BOP1: variants seen among roughly 807,000 people sequenced by gnomAD.
BOP1 encodes the protein ribosome biogenesis protein BOP1.
A neutral mutation model predicts 82.9 loss-of-function variants in BOP1; 54 were observed. The observed-to-expected ratio is 0.65, with a 90% CI of 0.52 to 0.82. BOP1 has a LOEUF of 0.82. Among genes scored for constraint, BOP1 ranks in the 40% least tolerant of loss-of-function variants. The pLI is 0.00. For missense variants in BOP1, 1,170 were observed against 1,072.0 expected (o/e 1.09, Z -1.28); for synonymous variants, 566 against 451.1 (o/e 1.25, Z -3.23).
intron 3 of BOP1, among the ~76,000 whole-genome samples, chr8:144,269,607 C>T (rs1845458971): frequency 6.6e-6 from 1 of 152,260 alleles, no homozygotes; most frequent in Non-Finnish European, 1.5e-5. Context: ...TAAAAAGTCA[C>T]AACGGCAGGT....
intron 3 of BOP1, among the ~76,000 whole-genome samples, chr8:144,270,091 G>C (rs1488732959): frequency 2.0e-5 from 3 of 152,166 alleles, no homozygotes; most frequent in Non-Finnish European, 4.4e-5. Context: ...GTCAACGTTG[G>C]GGACAAATGG....
rs1470269928 is a variant in BOP1, at chr8:144,263,729, G to A, written c.1254C>T (p.Cys418=). ...VYRGHSDLVR[C]LSVSPGGQWL... ...ACTGGCCCCCAGGAGAGACACTGAG[G>A]CACCGGACAAGGTCACTGTGGCCCC... Residue 418 remains cysteine, a synonymous_variant, in exon 10 of 16, where the codon TGC becomes TGT. Coordinates refer to ENST00000569669, the MANE Select transcript of BOP1 (RefSeq NM_015201.5). 5 of 1,576,114 alleles carry A rather than the reference G, an allele frequency of 3.2e-6. No individual in the cohort carries two copies. The highest frequency in any genetic ancestry group is 1.2e-5 in the South Asian group (1 of 86,868).
chr8:144,286,682 G>A (rs1176564487), intron 2 of BOP1, among the ~76,000 whole-genome samples: 1 of 152,176 alleles, frequency 6.6e-6, no homozygotes, highest in Non-Finnish European at 1.5e-5. Flanking sequence ...AGGGCCTCAG[G>A]CAGGGACTTG....
chr8:144,276,122 T>G, intron 3 of BOP1, 102 bp downstream of exon 3: 21 of 1,388,046 alleles, frequency 1.5e-5, no homozygotes, highest in Non-Finnish European at 1.0e-6. Flanking sequence ...CTGCGGCAGG[T>G]CCCAGCACCC....
At chr8:144,264,163 G>C in intron 7 of BOP1, 21 bp from the exon 8 acceptor site, 1 of 1,610,382 alleles carries the variant, frequency 6.2e-7, no homozygotes, top group Non-Finnish European at 8.5e-7. Flanking sequence ...CAAGACACAG[G>C]GGTGGGGAGG....
At chr8:144,280,779 G>T (rs905782881) in intron 2 of BOP1, among the ~76,000 whole-genome samples, 29 of 152,276 alleles carry the variant, frequency 1.9e-4, no homozygotes, top group African/African-American at 6.3e-4. Flanking sequence ...TTGAATCTGG[G>T]GGGTGGAGAC....
rs1554839785 is a variant in BOP1 at position 144,289,084 on chromosome 8, C to T, written c.309+11G>A. ...GGGGACAGCCCTCGAGGGGGCTCCT[C>T]GCTCACCCACCTGCACCTGCTCCTC... On this transcript the variant is annotated intron_variant, in intron 2 of 15. Transcript: ENST00000569669. 3.1e-6 allele frequency: 5 copies of T among 1,613,956 alleles called. No individual in the cohort carries two copies. The highest frequency in any genetic ancestry group is 1.7e-5 in the Admixed American group (1 of 60,022).
intron 3 of BOP1, among the ~76,000 whole-genome samples, chr8:144,267,844 G>T (rs1361556592): frequency 2.6e-5 from 4 of 152,192 alleles, no homozygotes; most frequent in Non-Finnish European, 5.9e-5. Context: ...AATACGGCAC[G>T]GCTTTTCCCA....
rs1381579101 is a variant in BOP1 at position 144,264,906 on chromosome 8, C to G, written c.545+11G>C. 32 of 1,611,066 alleles carry G rather than the reference C, an allele frequency of 2.0e-5. No homozygotes were observed. In the African/African-American group the frequency reaches 4.1e-4, roughly 21 times the overall value. On this transcript the variant is annotated intron_variant, in intron 4 of 15. Transcript: ENST00000569669. ...CACCCCGGCTGCTGGCCCCACCCCA[C>G]CAGCCCTCACCAGTAGTCAGGATCG...
Position 144,263,063 on chromosome 8 carries a change from G to A in BOP1, c.1684C>T (p.Leu562=). The stretch of plus-strand genomic sequence containing the variant: ...CGGCGACGGCTCAGCTGGTGAATCA[G>A]CACCTGGGTGTGGCCTTGGGTGGCC... The part of the protein sequence containing the change: ...VLATQGHTQV[L]IHQLSRRRSQ... The change falls in exon 13 of 16, where the codon CTG becomes TTG. Residue 562 remains leucine, a synonymous_variant. Coordinates refer to ENST00000569669, the MANE Select transcript of BOP1 (RefSeq NM_015201.5). 6.3e-7 allele frequency: 1 copy of A among 1,586,658 alleles called. No homozygotes were observed. Among genetic ancestry groups the A allele is most frequent in the East Asian group, 2.3e-5 (1 of 44,338 alleles).
In BOP1 at chr8:144,289,163, C is replaced by A; in HGVS notation, c.241G>T (p.Gly81Ter). 1 of 1,614,210 alleles carries A rather than the reference C, an allele frequency of 6.2e-7. No individual in the cohort carries two copies. The highest frequency in any genetic ancestry group is 8.5e-7 in the Non-Finnish European group (1 of 1,180,040). The change falls in exon 2 of 16, where the codon GGA becomes TGA. Residue 81 changes from glycine (G) to a stop codon, truncating the protein, a stop_gained. Transcript: ENST00000569669. LOFTEE classifies it high-confidence loss of function. ...TCGTCATCAAGGGCTCCGTCCTCTCCCTCCTCGTCGCCTTCGTCATCATCC... is the reference window on the plus strand; with the variant it reads ...TCGTCATCAAGGGCTCCGTCCTCTCACTCCTCGTCGCCTTCGTCATCATCC... ...SEDDDEGDEEGEDGALDDEGH... is the reference protein window; with the variant it reads ...SEDDDEGDEE
chr8:144,280,827 G>T (rs1313412575), intron 2 of BOP1, among the ~76,000 whole-genome samples: 6 of 152,072 alleles, frequency 3.9e-5, no homozygotes, highest in Non-Finnish European at 5.9e-5. Context: ...ACTCCAGCCC[G>T]GGTGACAGAC....
rs1205797803 is a variant in BOP1 at position 144,276,554 on chromosome 8, C to G, written c.310-250G>C. Among the ~76,000 whole-genome samples the G allele has an allele frequency of 2.0e-5, 3 of 152,300 alleles. No individual in the cohort carries two copies. In the East Asian group the frequency reaches 5.8e-4, roughly 29 times the overall value. On this transcript the variant is annotated intron_variant, in intron 2 of 15. Coordinates refer to ENST00000569669, the MANE Select transcript of BOP1 (RefSeq NM_015201.5). ...GACTGCAGCCTCCCGGGGCCTCTGT[C>G]CCTGGGCTGACACGGGTGTCAGGCT...
intron 2 of BOP1, among the ~76,000 whole-genome samples, chr8:144,277,941 C>T (rs1845596334): frequency 6.9e-6 from 1 of 144,724 alleles, no homozygotes; most frequent in Non-Finnish European, 1.5e-5. Context: ...AAAAGGCCAC[C>T]AAAACCCTAA....
intron 3 of BOP1, among the ~76,000 whole-genome samples, chr8:144,271,978 G>C (rs1008251658): frequency 6.6e-6 from 1 of 152,170 alleles, no homozygotes; most frequent in Non-Finnish European, 1.5e-5. Flanking sequence ...CTGCAGGCTG[G>C]AGAGAAGCCA....
intron 3 of BOP1, among the ~76,000 whole-genome samples, chr8:144,275,357 A>G (rs1389317917): frequency 1.3e-4 from 20 of 152,128 alleles, no homozygotes; most frequent in Admixed American, 1.3e-3. Context: ...CAGAGCTTCC[A>G]GCCCCTCCCA....
At chr8:144,289,801 G>A (rs1158750822) in intron 1 of BOP1, among the ~76,000 whole-genome samples, 1 of 152,158 alleles carries the variant, frequency 6.6e-6, no homozygotes, top group Non-Finnish European at 1.5e-5. Context: ...GGTCCCCAAA[G>A]GGCTTTTACC....
chr8:144,269,623 T>C (rs1845459312), intron 3 of BOP1, among the ~76,000 whole-genome samples: 1 of 152,230 alleles, frequency 6.6e-6, no homozygotes, highest in African/African-American at 2.4e-5. Context: ...CAGGTTTCGT[T>C]CAGAGAGAAA....
At chr8:144,271,900 AG>A (rs1554837872) in intron 3 of BOP1, among the ~76,000 whole-genome samples, 83 of 152,240 alleles carry the variant, frequency 5.5e-4, no homozygotes, top group African/African-American at 1.9e-3. Flanking sequence ...ACTGGAGAGA[AG>A]CCACTACTGA....
Sources: gnomAD v4.1 joint callset for allele counts (sites outside exome capture counted in the v4.1 genomes callset) on GRCh38, gnomAD v4.1.1 for gene constraint, MANE v1.5 for transcripts, NCBI Gene and HGNC (gene_info 2026-07-23, HGNC 2026-07-21) for gene names.